COL21A1: variants seen among roughly 807,000 people sequenced by gnomAD.
COL21A1 encodes collagen type XXI alpha 1 chain.
In COL21A1, 149 loss-of-function variants were observed where a neutral mutation model predicts 137.9. The ratio of observed to expected loss-of-function variants is 1.08; its 90% CI spans 0.95 to 1.24. COL21A1 has a LOEUF of 1.24. COL21A1 is among the 50% of genes most tolerant of loss of function. The pLI is 0.00. For missense variants in COL21A1, 1,167 were observed against 1,158.4 expected, an observed-to-expected ratio of 1.01 and a Z score of -0.11; for synonymous variants, 456 against 391.5, an observed-to-expected ratio of 1.16 and a Z score of -1.95.
At chr6:56,235,604 G>A (rs1347414971) in intron 1 of COL21A1, among the ~76,000 whole-genome samples, 4 of 151,962 alleles carry the variant, frequency 2.6e-5, no homozygotes, top group Non-Finnish European at 5.9e-5. Context: ...ATGAATTAAT[G>A]TCAGTTGGAT....
At chr6:56,261,325 T>C (rs911069447) in intron 1 of COL21A1, among the ~76,000 whole-genome samples, 4 of 152,160 alleles carry the variant, frequency 2.6e-5, no homozygotes, top group Non-Finnish European at 5.9e-5. Context: ...AGATTAATCA[T>C]TGTATTAGTT....
chr6:56,381,087 GAACAT>G lies in COL21A1; in HGVS notation c.-39+12879_-39+12883del, dbSNP rs1290138509. The stretch of plus-strand genomic sequence containing the variant: ...ATTCAGGTTTCTCAGTGACTTTATA[GAACAT>G]AACTATGTTATGTTCTATAAATGAT... On this transcript the variant is annotated intron_variant, in intron 1 of 28. Transcript: ENST00000370819. 2.0e-5 allele frequency among the ~76,000 whole-genome samples: 3 copies of G among 151,976 alleles called. No individual in the cohort carries two copies. The East Asian group carries it at 5.8e-4, about 29-fold the overall frequency.
chr6:56,123,942 C>G (rs1298633717), intron 16 of COL21A1, 120 bp downstream of exon 16: 1 of 816,712 alleles, frequency 1.2e-6, no homozygotes, highest in African/African-American at 1.8e-5. Flanking sequence ...CCTTTTAGCT[C>G]ATGAATTTTA....
intron 12 of COL21A1, chr6:56,126,351 T>C: frequency 2.1e-6 from 1 of 484,578 alleles, no homozygotes; most frequent in South Asian, 2.8e-5. Flanking sequence ...AAGATAAGTA[T>C]TTTGGAGCTA....
At chr6:56,082,501 C>T (rs978744022) in intron 17 of COL21A1, among the ~76,000 whole-genome samples, 5 of 151,830 alleles carry the variant, frequency 3.3e-5, no homozygotes, top group African/African-American at 1.2e-4. Context: ...TTTGTTACTA[C>T]ATAACTCAAA....
At chr6:56,132,265 T>A (rs937817387) in intron 12 of COL21A1, among the ~76,000 whole-genome samples, 2 of 152,010 alleles carry the variant, frequency 1.3e-5, no homozygotes, top group Admixed American at 6.6e-5. Flanking sequence ...GAATAGCAAT[T>A]GGAGAGATGT....
intron 1 of COL21A1, among the ~76,000 whole-genome samples, chr6:56,212,524 A>T (rs1321220270): frequency 6.6e-6 from 1 of 152,098 alleles, no homozygotes; most frequent in Non-Finnish European, 1.5e-5. Context: ...AAGAATGATT[A>T]TAATTATCTT....
intron 1 of COL21A1, among the ~76,000 whole-genome samples, chr6:56,198,308 A>G (rs1779166083): frequency 2.0e-5 from 3 of 152,118 alleles, no homozygotes; most frequent in Non-Finnish European, 4.4e-5. Flanking sequence ...CATAGTAACT[A>G]CAGTTAATAA....
chr6:56,342,330 T>C (rs919393711), intron 1 of COL21A1, among the ~76,000 whole-genome samples: 1 of 152,182 alleles, frequency 6.6e-6, no homozygotes, highest in Admixed American at 6.5e-5. Flanking sequence ...GACTGCACCA[T>C]TGGGTTCCAA....
At chr6:56,314,764 T>G (rs1454938416) in intron 1 of COL21A1, among the ~76,000 whole-genome samples, 1 of 152,212 alleles carries the variant, frequency 6.6e-6, no homozygotes, top group Non-Finnish European at 1.5e-5. Context: ...AGAAACATAT[T>G]GTGATGTTAT....
chr6:56,263,793 C>A (rs2328674), intron 1 of COL21A1, among the ~76,000 whole-genome samples: 151,168 of 152,370 alleles, frequency 0.99, 74,995 homozygotes, highest in Middle Eastern at 1. Context: ...AATGGAAAAC[C>A]GCTGTTTAAC....
chr6:56,100,282 A>C (rs1299801298), intron 17 of COL21A1, among the ~76,000 whole-genome samples: 1 of 152,140 alleles, frequency 6.6e-6, no homozygotes, highest in Non-Finnish European at 1.5e-5. Flanking sequence ...ATCTGGCACA[A>C]ACCCTTGGTA....
chr6:56,093,567 T>C (rs748784345), intron 17 of COL21A1, among the ~76,000 whole-genome samples: 1 of 152,074 alleles, frequency 6.6e-6, no homozygotes, highest in East Asian at 1.9e-4. Context: ...CAGAAAAAAT[T>C]CCATCAGATT....
rs371241531 is a variant in COL21A1 at position 56,103,955 on chromosome 6, G to C, written c.1759-2430C>G. Among the ~76,000 whole-genome samples the C allele has an allele frequency of 7.9e-5, 12 of 152,198 alleles. No homozygotes were observed. The East Asian group carries it at 1.2e-3, about 15-fold the overall frequency. On this transcript the variant is annotated intron_variant, in intron 16 of 29. Transcript: ENST00000244728. ...CTTTGAGAAACACTACTCTAGCCCA[G>C]ATCTCAAAACAGACTTACAGACTCT...
At chr6:56,349,678 C>T (rs1765669504) in intron 1 of COL21A1, among the ~76,000 whole-genome samples, 1 of 152,206 alleles carries the variant, frequency 6.6e-6, no homozygotes, top group African/African-American at 2.4e-5. Context: ...ACATGCCTGT[C>T]TTTTAAACTA....
chr6:56,130,151 T>C (rs1244707785), intron 12 of COL21A1, among the ~76,000 whole-genome samples: 6 of 137,394 alleles, frequency 4.4e-5, no homozygotes, highest in Admixed American at 1.6e-4. Context: ...CCTGAGAGCA[T>C]TCATGACAGG....
At chr6:56,112,080 A>C (rs969623024) in intron 16 of COL21A1, among the ~76,000 whole-genome samples, 4 of 152,206 alleles carry the variant, frequency 2.6e-5, no homozygotes, top group African/African-American at 9.6e-5. Context: ...TTGTTGAGGA[A>C]AGAATATGGG....
At chr6:56,249,604 A>G (rs769868947), upstream of COL21A1, among the ~76,000 whole-genome samples, 8 of 152,236 alleles carry the variant, frequency 5.3e-5, no homozygotes, top group African/African-American at 1.7e-4. Flanking sequence ...AGCCAGTCAC[A>G]CACACAAAAA....
At chr6:56,094,445 C>A (rs944186407) in intron 17 of COL21A1, among the ~76,000 whole-genome samples, 1 of 152,008 alleles carries the variant, frequency 6.6e-6, no homozygotes, top group African/African-American at 2.4e-5. Context: ...TCCACTTCTT[C>A]ACTGAGCCCT....
Sources: gnomAD v4.1 joint callset for allele counts (sites outside exome capture counted in the v4.1 genomes callset) on GRCh38, gnomAD v4.1.1 for gene constraint, MANE v1.5 for transcripts, NCBI Gene and HGNC (gene_info 2026-07-23, HGNC 2026-07-21) for gene names.